The following KIF1B variants were observed in gnomAD, a reference collection of about 807,000 sequenced individuals.
KIF1B encodes kinesin family member 1B.
A neutral mutation model predicts 241.9 loss-of-function variants in KIF1B; 76 were observed. That is an observed-to-expected ratio of 0.31 (90% CI 0.26 to 0.38). KIF1B has a LOEUF of 0.38. KIF1B is among the 10% of genes least tolerant of loss of function. The pLI is 1.00. For synonymous variants in KIF1B, 750 were observed against 796.7 expected (o/e 0.94, Z 0.99); for missense variants, 1,622 against 2,271.4 (o/e 0.71, Z 5.81).
chr1:10,377,973 T>G lies in KIF1B; in HGVS notation c.*1386T>G. 1 of 263,968 alleles carries G rather than the reference T, an allele frequency of 3.8e-6. No homozygotes were observed. The highest frequency in any genetic ancestry group is 7.3e-6 in the Non-Finnish European group (1 of 136,748). The allele number at this position is 263,968 out of a possible 1,614,324, so 16.4% of individuals were successfully genotyped here. The stretch of plus-strand genomic sequence containing the variant: ...AAATAATAATGCTGGGTAGTGACCT[T>G]GTGATTGTTACAGCTCCCTTTGATC... On this transcript the variant is annotated 3_prime_UTR_variant, in exon 49 of 49. Transcript: ENST00000676179.
intron 7 of KIF1B, among the ~76,000 whole-genome samples, chr1:10,269,943 G>T (rs182808145): frequency 2.6e-5 from 4 of 152,278 alleles, no homozygotes; most frequent in African/African-American, 4.8e-5. Flanking sequence ...GTATGTGAAG[G>T]TGTTTTTTGC....
chr1:10,241,235 C>G (rs1257832778), intron 2 of KIF1B, among the ~76,000 whole-genome samples: 3 of 152,004 alleles, frequency 2.0e-5, no homozygotes, highest in African/African-American at 7.2e-5. Context: ...CCTCACTCCC[C>G]TAGTAGCTGG....
chr1:10,307,013 G>A (rs1233188542), intron 22 of KIF1B: 16 of 1,040,998 alleles, frequency 1.5e-5, no homozygotes, highest in Non-Finnish European at 1.9e-5. Context: ...TATGTCCACA[G>A]TGATATTCCA....
Position 10,303,827 on chromosome 1 carries a change from G to A in KIF1B, c.2115+6581G>A, listed in dbSNP as rs41274460. 2,110 of 1,614,192 alleles carry A rather than the reference G, an allele frequency of 1.3e-3. 3 individuals are homozygous for A. The highest frequency in any genetic ancestry group is 1.7e-3 in the Non-Finnish European group (1,997 of 1,180,008). On this transcript the variant is annotated intron_variant, in intron 22 of 48. Transcript: ENST00000676179. The surrounding 1 kb of genome is among the most constrained non-coding windows in gnomAD (Gnocchi z 5.2). ...AAAGCAAAGGAGCCTGTTGGTGCTG[G>A]TGTTAGTAGCACCTCTGAGAATAAT...
chr1:10,252,503 C>T (rs1647516140), intron 2 of KIF1B, among the ~76,000 whole-genome samples: 1 of 151,976 alleles, frequency 6.6e-6, no homozygotes, highest in Non-Finnish European at 1.5e-5. Context: ...CTGGACCTCC[C>T]TGGGCTCAGG....
rs530975460 is a variant in KIF1B at position 10,372,644 on chromosome 1, C to T, written c.4946+1382C>T. ...AGTGAGCCGAGATTGCGCCGCTGCG[C>T]GCCAGCTTGGGTGACAGAGCTGTCA... On this transcript the variant is annotated intron_variant, in intron 45 of 48. Transcript: ENST00000676179. Among the ~76,000 whole-genome samples the T allele has an allele frequency of 4.6e-3, 580 of 125,126 alleles. 3 individuals are homozygous for T. Among genetic ancestry groups the T allele is most frequent in the African/African-American group, 0.017 (531 of 31,830 alleles). 82.1% of individuals were successfully genotyped at this position (125,126 alleles called of 152,430 possible). A position where few individuals can be genotyped will look rare whatever the true frequency, so the allele number is the denominator to read the frequency against.
chr1:10,211,500 G>C (rs1266896231), intron 1 of KIF1B: 1 of 152,258 alleles, frequency 6.6e-6, no homozygotes, highest in African/African-American at 2.4e-5. Flanking sequence ...GCCATATTGG[G>C]AGGATGATCT....
At chr1:10,348,570 C>CG in intron 36 of KIF1B, 79 bp from the exon 37 acceptor site, 1 of 1,029,710 alleles carries the variant, frequency 9.7e-7, no homozygotes, top group East Asian at 2.4e-5. Context: ...CCATGCCATG[C>CG]CATACAGGCC....
At chr1:10,218,061 GTTCC>G (rs1646791859) in intron 1 of KIF1B, among the ~76,000 whole-genome samples, 1 of 152,042 alleles carries the variant, frequency 6.6e-6, no homozygotes, top group African/African-American at 2.4e-5. Context: ...CTTCGTTTCT[GTTCC>G]TTCCAATAAA....
At chr1:10,282,230 C>T in intron 14 of KIF1B, 92 bp from the exon 15 acceptor site, 1 of 1,037,902 alleles carries the variant, frequency 9.6e-7, no homozygotes, top group Non-Finnish European at 1.4e-6. Context: ...GCTGTCCTTT[C>T]TTACAACGAT....
At chr1:10,247,955 A>T (rs1022207799) in intron 2 of KIF1B, among the ~76,000 whole-genome samples, 1 of 152,104 alleles carries the variant, frequency 6.6e-6, no homozygotes, top group Non-Finnish European at 1.5e-5. Flanking sequence ...TCACAATAGG[A>T]TTCATGCTGG....
At chr1:10,304,447 C>T (rs1259702263) in intron 22 of KIF1B, 1 of 1,611,630 alleles carries the variant, frequency 6.2e-7, no homozygotes, top group South Asian at 1.1e-5. Flanking sequence ...ACAGACTTTC[C>T]AGGCAAAGCG....
At chr1:10,223,694 G>T (rs554764013) in intron 1 of KIF1B, among the ~76,000 whole-genome samples, 1 of 151,692 alleles carries the variant, frequency 6.6e-6, no homozygotes, top group Non-Finnish European at 1.5e-5. Flanking sequence ...CTACAGGCAC[G>T]TGCCACCACA....
Position 10,373,172 on chromosome 1 carries a change from G to T in KIF1B, c.4947-1144G>T, listed in dbSNP as rs376104419. On this transcript the variant is annotated intron_variant, in intron 45 of 48. Coordinates refer to ENST00000676179, the MANE Select transcript of KIF1B (RefSeq NM_001365951.3). ...GATGGGGTTTCACCGTGTTAGCCAG[G>T]ATGGTCTTGGTCTCCTGACCTCATG... Among the ~76,000 whole-genome samples, 92 of 151,514 alleles carry T rather than the reference G, an allele frequency of 6.1e-4. 1 individual carries two copies. Among genetic ancestry groups the T allele is most frequent in the African/African-American group, 2.1e-3 (88 of 41,300 alleles).
intron 17 of KIF1B, among the ~76,000 whole-genome samples, chr1:10,292,863 A>C (rs574738688): frequency 6.6e-6 from 1 of 152,334 alleles, no homozygotes; most frequent in Non-Finnish European, 1.5e-5. Flanking sequence ...CGATGTACAA[A>C]GCATGTATTT....
intron 1 of KIF1B, among the ~76,000 whole-genome samples, chr1:10,221,355 C>A (rs931927273): frequency 2.0e-5 from 3 of 152,164 alleles, no homozygotes; most frequent in African/African-American, 7.2e-5. Context: ...GCTTCGGCCT[C>A]CCAAAGGGCT....
At chr1:10,292,854 G>A (rs919679076) in intron 17 of KIF1B, among the ~76,000 whole-genome samples, 3 of 152,042 alleles carry the variant, frequency 2.0e-5, no homozygotes, top group South Asian at 4.2e-4. Flanking sequence ...AACATATATC[G>A]ATGTACAAAG....
intron 22 of KIF1B, among the ~76,000 whole-genome samples, chr1:10,316,224 C>A (rs1157611900): frequency 1.3e-5 from 1 of 79,660 alleles, no homozygotes; most frequent in Non-Finnish European, 2.9e-5. Context: ...CAGAGGGAGA[C>A]CCTTTCTCCA....
intron 1 of KIF1B, among the ~76,000 whole-genome samples, chr1:10,221,898 C>T (rs1646850293): frequency 6.6e-6 from 1 of 152,138 alleles, no homozygotes; most frequent in Non-Finnish European, 1.5e-5. Context: ...TCACTGCAAC[C>T]TGTGCCTCCC....
Sources: allele counts gnomAD v4.1 joint callset (sites outside exome capture counted in the v4.1 genomes callset), GRCh38; gene constraint gnomAD v4.1.1; non-coding constraint Gnocchi (gnomAD v3.1); transcripts MANE v1.5; gene names NCBI Gene and HGNC (gene_info 2026-07-23, HGNC 2026-07-21).